Variants in SPAG16 observed in about 807,000 individuals in gnomAD.
SPAG16 encodes the protein sperm associated antigen 16, also known as sperm-associated antigen 16 protein.
A neutral mutation model predicts 80.4 loss-of-function variants in SPAG16; 86 were observed. The ratio of observed to expected loss-of-function variants is 1.07; its 90% CI spans 0.90 to 1.28. The LOEUF is 1.28. Ranked by LOEUF, SPAG16 falls within the 50% of genes most tolerant of loss-of-function variation. The probability of loss-of-function intolerance (pLI) is 0.00; values close to 1 mark genes in which losing one functional copy is unlikely to be tolerated. For synonymous variants in SPAG16, 294 were observed against 265.9 expected (o/e 1.11, Z -1.03); for missense variants, 870 against 765.3 (o/e 1.14, Z -1.61).
At chr2:213,724,913 G>T (rs567253872) in intron 10 of SPAG16, among the ~76,000 whole-genome samples, 1 of 151,306 alleles carries the variant, frequency 6.6e-6, no homozygotes, top group African/African-American at 2.4e-5. Context: ...TTGGAAATTA[G>T]TTGGAGAAAT....
chr2:213,346,841 CTT>C (rs143136815), intron 6 of SPAG16, among the ~76,000 whole-genome samples: 48 of 150,508 alleles, frequency 3.2e-4, no homozygotes, highest in East Asian at 2.9e-3. Context: ...CTAAAATTCT[CTT>C]TTTTTTTTTG....
intron 13 of SPAG16, among the ~76,000 whole-genome samples, chr2:214,037,288 C>T (rs2048746820): frequency 6.6e-6 from 1 of 151,736 alleles, no homozygotes; most frequent in Non-Finnish European, 1.5e-5. Flanking sequence ...TTTGTATTTT[C>T]ATATTCACCC....
At chr2:214,126,724 C>T (rs1288334936) in intron 14 of SPAG16, among the ~76,000 whole-genome samples, 2 of 151,748 alleles carry the variant, frequency 1.3e-5, no homozygotes, top group Non-Finnish European at 2.9e-5. Context: ...AATAAATAAA[C>T]AGATCTTACA....
At chr2:213,324,205 T>C (rs1011551790) in intron 5 of SPAG16, among the ~76,000 whole-genome samples, 6 of 152,116 alleles carry the variant, frequency 3.9e-5, no homozygotes, top group Non-Finnish European at 8.8e-5. Flanking sequence ...ACACTCTACT[T>C]TTGTCATTCT....
intron 9 of SPAG16, among the ~76,000 whole-genome samples, chr2:213,433,931 T>C (rs2070461095): frequency 6.8e-6 from 1 of 146,464 alleles, no homozygotes. Context: ...TTTTTTTTTT[T>C]TTTTTTGAGA....
At chr2:213,586,261 C>A (rs2060468881) in intron 10 of SPAG16, among the ~76,000 whole-genome samples, 1 of 152,150 alleles carries the variant, frequency 6.6e-6, no homozygotes, top group Admixed American at 6.5e-5. Context: ...TTATAAGCAA[C>A]AGAAATTTGT....
At chr2:213,984,695 A>G (rs1051165942) in intron 12 of SPAG16, among the ~76,000 whole-genome samples, 1 of 152,072 alleles carries the variant, frequency 6.6e-6, no homozygotes, top group Admixed American at 6.6e-5. Flanking sequence ...GCAGCAGAGA[A>G]AAGCCAACAT....
chr2:213,508,644 A>G (rs1205992092), intron 10 of SPAG16, among the ~76,000 whole-genome samples: 1 of 152,154 alleles, frequency 6.6e-6, no homozygotes, highest in Non-Finnish European at 1.5e-5. Context: ...GGAAACCATC[A>G]TTCACAGCAA....
chr2:213,740,650 G>A (rs2067505483), intron 10 of SPAG16, among the ~76,000 whole-genome samples: 2 of 152,192 alleles, frequency 1.3e-5, no homozygotes, highest in African/African-American at 4.8e-5. Context: ...TAGTTATAGG[G>A]CATATACACT....
At chr2:214,335,509 C>T (rs1181337735) in intron 15 of SPAG16, among the ~76,000 whole-genome samples, 3 of 151,448 alleles carry the variant, frequency 2.0e-5, no homozygotes, top group Non-Finnish European at 2.9e-5. Context: ...TTCAACCTTT[C>T]CACATTTAAG....
intron 10 of SPAG16, among the ~76,000 whole-genome samples, chr2:213,852,551 T>C (rs2105913134): frequency 6.6e-6 from 1 of 152,234 alleles, no homozygotes; most frequent in Admixed American, 6.5e-5. Flanking sequence ...ACCACCTCCT[T>C]GCAGCCTTAG....
At chr2:213,732,161 T>C (rs532483323) in intron 10 of SPAG16, among the ~76,000 whole-genome samples, 1 of 152,178 alleles carries the variant, frequency 6.6e-6, no homozygotes, top group African/African-American at 2.4e-5. Context: ...GCACCATTTA[T>C]TAAATAGGGA....
At chr2:214,253,441 T>A (rs1690448975) in intron 15 of SPAG16, among the ~76,000 whole-genome samples, 1 of 152,158 alleles carries the variant, frequency 6.6e-6, no homozygotes, top group African/African-American at 2.4e-5. Context: ...TTGTAGGTCT[T>A]ACGTTTAAGT....
At chr2:214,002,198 G>A (rs2046822511) in intron 12 of SPAG16, among the ~76,000 whole-genome samples, 1 of 152,118 alleles carries the variant, frequency 6.6e-6, no homozygotes, top group Admixed American at 6.5e-5. Flanking sequence ...AGATTTGGGT[G>A]GGGACACAGC....
intron 15 of SPAG16, among the ~76,000 whole-genome samples, chr2:214,288,075 C>T (rs903059888): frequency 7.9e-5 from 12 of 152,084 alleles, no homozygotes; most frequent in South Asian, 2.1e-4. Context: ...ACCGCCCCCC[C>T]CAATCCCACC....
chr2:213,712,399 T>C lies in SPAG16; in HGVS notation c.1071-150086T>C, dbSNP rs933368037. Among the ~76,000 whole-genome samples, 14 of 152,246 alleles carry C rather than the reference T, an allele frequency of 9.2e-5. No homozygotes were observed. In the South Asian group the frequency reaches 2.1e-3, roughly 23 times the overall value. On this transcript the variant is annotated intron_variant, in intron 10 of 15. Coordinates refer to ENST00000331683, the MANE Select transcript of SPAG16 (RefSeq NM_024532.5). ...GTGTACAAGAGTGTTAAAAAGAGAC[T>C]TCTACCCATATAAGATACTTAATAG...
In SPAG16 at chr2:213,489,962, G is replaced by C; in HGVS notation, c.943-1G>C. ...AGCTCTTGTTTAATTTTTTTCTCTA[G>C]GATTCAGAATTTCCCATAGATATGC... On this transcript the variant is annotated splice_acceptor_variant, in intron 9 of 15. Transcript: ENST00000331683. LOFTEE classifies it high-confidence loss of function. The C allele has an allele frequency of 6.3e-7, 1 of 1,594,446 alleles. No individual in the cohort carries two copies. The highest frequency in any genetic ancestry group is 8.5e-7 in the Non-Finnish European group (1 of 1,172,374).
intron 13 of SPAG16, among the ~76,000 whole-genome samples, chr2:214,055,215 T>G (rs1196844120): frequency 6.6e-6 from 1 of 152,144 alleles, no homozygotes; most frequent in Non-Finnish European, 1.5e-5. Context: ...CTACTCTACT[T>G]GAAATCCTGT....
chr2:214,213,318 T>C (rs2058345751), intron 15 of SPAG16, among the ~76,000 whole-genome samples: 1 of 152,166 alleles, frequency 6.6e-6, no homozygotes, highest in African/African-American at 2.4e-5. Flanking sequence ...TACAAAGCTG[T>C]CACTTATTCC....
Sources: gnomAD v4.1 joint callset for allele counts (sites outside exome capture counted in the v4.1 genomes callset) on GRCh38, gnomAD v4.1.1 for gene constraint, MANE v1.5 for transcripts, NCBI Gene and HGNC (gene_info 2026-07-23, HGNC 2026-07-21) for gene names.